Variants in GRID2 observed in about 807,000 individuals in gnomAD.
The protein encoded by GRID2 is glutamate ionotropic receptor delta type subunit 2.
GRID2 carries 33 observed loss-of-function variants against 114.8 expected under a neutral mutation model. The ratio of observed to expected loss-of-function variants is 0.29; its 90% CI spans 0.22 to 0.38. The LOEUF (loss-of-function observed/expected upper bound fraction) is 0.38, where lower values mean the gene tolerates loss of function less well. Ranked by LOEUF, GRID2 falls within the 10% of genes least tolerant of loss-of-function variation. The pLI is 1.00. For missense variants in GRID2, 1,184 were observed against 1,257.7 expected (o/e 0.94, Z 0.89); for synonymous variants, 505 against 449.9 (o/e 1.12, Z -1.55).
At chr4:93,316,899 T>G (rs1407408242) in intron 8 of GRID2, among the ~76,000 whole-genome samples, 1 of 152,124 alleles carries the variant, frequency 6.6e-6, no homozygotes, top group Non-Finnish European at 1.5e-5. Context: ...ATCAATTTAT[T>G]TTTTCCTCCC....
chr4:93,235,492 A>G (rs754924943), intron 7 of GRID2, among the ~76,000 whole-genome samples: 16 of 152,152 alleles, frequency 1.1e-4, no homozygotes, highest in Admixed American at 2.0e-4. Flanking sequence ...TTGAGGATAG[A>G]TGGAAAAAAG....
At chr4:93,128,924 C>T (rs1415009120) in intron 4 of GRID2, among the ~76,000 whole-genome samples, 3 of 152,152 alleles carry the variant, frequency 2.0e-5, no homozygotes, top group Non-Finnish European at 4.4e-5. Flanking sequence ...AATTGCAAAC[C>T]TCATGGTATT....
Position 92,445,761 on chromosome 4 carries a change from A to G in GRID2, c.88+141017A>G, listed in dbSNP as rs754958222. ...TCTATCTTAGGTAGGCTGCATTTCT[A>G]TGTTGTAATTTATTTATTGAATAAT... On this transcript the variant is annotated intron_variant, in intron 1 of 15. Transcript: ENST00000282020. Among the ~76,000 whole-genome samples the G allele has an allele frequency of 3.9e-5, 6 of 152,304 alleles. No homozygotes were observed. In the East Asian group the frequency reaches 7.7e-4, roughly 20 times the overall value.
rs1745469221 is a variant in GRID2, at chr4:92,874,182, A to G, written c.245-210813A>G. The stretch of plus-strand genomic sequence containing the variant: ...TGCTGCACATATAATTGATATTGTC[A>G]CAACATTTGGGCTCTTTTGTAGCAG... On this transcript the variant is annotated intron_variant, in intron 2 of 15. Coordinates refer to ENST00000282020, the MANE Select transcript of GRID2 (RefSeq NM_001510.4). 2.0e-5 allele frequency among the ~76,000 whole-genome samples: 3 copies of G among 152,168 alleles called. 1 individual carries two copies. Among genetic ancestry groups the G allele is most frequent in the South Asian group, 4.1e-4 (2 of 4,832 alleles).
intron 1 of GRID2, among the ~76,000 whole-genome samples, chr4:92,550,793 A>C (rs867150157): frequency 6.6e-6 from 1 of 152,214 alleles, no homozygotes; most frequent in South Asian, 2.1e-4. Context: ...AAAATGTAAT[A>C]CTTGAACTAA....
intron 2 of GRID2, among the ~76,000 whole-genome samples, chr4:92,805,664 G>C (rs1740374660): frequency 6.6e-6 from 1 of 151,942 alleles, no homozygotes; most frequent in Non-Finnish European, 1.5e-5. Flanking sequence ...TTGGTGCAGT[G>C]GCTCACGCTT....
chr4:92,905,544 T>C (rs1019137246), intron 2 of GRID2, among the ~76,000 whole-genome samples: 9 of 152,080 alleles, frequency 5.9e-5, no homozygotes, highest in South Asian at 2.1e-4. Context: ...CTGGAAGTGT[T>C]CATATAGAGG....
chr4:92,896,598 C>T (rs1005186772), intron 2 of GRID2, among the ~76,000 whole-genome samples: 2 of 151,010 alleles, frequency 1.3e-5, no homozygotes, highest in African/African-American at 4.9e-5. Flanking sequence ...CTGATGTAGT[C>T]GAGAACACAC....
At chr4:93,802,785 C>A (rs969001785) in intron 1 of GRID2, among the ~76,000 whole-genome samples, 4 of 152,102 alleles carry the variant, frequency 2.6e-5, no homozygotes, top group South Asian at 4.1e-4. Flanking sequence ...TTTAAAAAAA[C>A]CATAATTAAG....
intron 14 of GRID2, among the ~76,000 whole-genome samples, chr4:93,668,681 T>G (rs1161587924): frequency 1.3e-5 from 2 of 152,062 alleles, no homozygotes; most frequent in Non-Finnish European, 2.9e-5. Flanking sequence ...AAATGTGGCT[T>G]GTGTTCCTGG....
intron 1 of GRID2, among the ~76,000 whole-genome samples, chr4:92,385,857 A>T (rs1729925510): frequency 1.4e-5 from 2 of 146,220 alleles, no homozygotes; most frequent in Admixed American, 7.1e-5. Context: ...TTTGTTGTGA[A>T]GAAATATATA....
intron 2 of GRID2, among the ~76,000 whole-genome samples, chr4:92,665,455 T>C (rs1394110646): frequency 6.6e-6 from 1 of 151,250 alleles, no homozygotes; most frequent in Non-Finnish European, 1.5e-5. Context: ...ACAATATGTA[T>C]AGTTATAAAC....
At chr4:92,915,708 G>T (rs1310819410) in intron 2 of GRID2, among the ~76,000 whole-genome samples, 1 of 152,032 alleles carries the variant, frequency 6.6e-6, no homozygotes, top group African/African-American at 2.4e-5. Flanking sequence ...TTCCTTTACT[G>T]CATAGCGTGG....
At chr4:93,759,997 C>T (rs1733070464) in intron 14 of GRID2, among the ~76,000 whole-genome samples, 1 of 152,100 alleles carries the variant, frequency 6.6e-6, no homozygotes, top group African/African-American at 2.4e-5. Context: ...TATCACTTTC[C>T]AGCCATGTGG....
intron 13 of GRID2, among the ~76,000 whole-genome samples, chr4:93,569,871 A>G (rs1253198213): frequency 6.6e-6 from 1 of 152,194 alleles, no homozygotes; most frequent in African/African-American, 2.4e-5. Context: ...CCGATCTAAC[A>G]TAGAATCCCA....
intron 1 of GRID2, among the ~76,000 whole-genome samples, chr4:92,401,111 TTTG>T (rs1051791774): frequency 2.6e-5 from 4 of 152,152 alleles, no homozygotes; most frequent in African/African-American, 7.2e-5. Context: ...ATTTATCTAT[TTTG>T]TTGTTGTTGC....
chr4:92,376,748 T>A (rs1301864460), intron 1 of GRID2, among the ~76,000 whole-genome samples: 4 of 152,180 alleles, frequency 2.6e-5, no homozygotes, highest in Non-Finnish European at 4.4e-5. Context: ...TCTTGACTTT[T>A]GTGCGCTTGC....
chr4:92,746,895 T>G (rs1466675521), intron 2 of GRID2, among the ~76,000 whole-genome samples: 2 of 152,098 alleles, frequency 1.3e-5, no homozygotes, highest in African/African-American at 2.4e-5. Flanking sequence ...ATGCACACAC[T>G]TCTTCCCAGA....
intron 8 of GRID2, among the ~76,000 whole-genome samples, chr4:93,307,570 A>G (rs139794977): frequency 1.3e-5 from 2 of 152,240 alleles, no homozygotes; most frequent in Non-Finnish European, 2.9e-5. Flanking sequence ...AGGGATCTTG[A>G]TGCAGATTCT....
Sources: allele counts gnomAD v4.1 joint callset (sites outside exome capture counted in the v4.1 genomes callset), GRCh38; gene constraint gnomAD v4.1.1; transcripts MANE v1.5; gene names NCBI Gene and HGNC (gene_info 2026-07-23, HGNC 2026-07-21).